The following FAT3 variants were observed in gnomAD, a reference collection of about 807,000 sequenced individuals.
FAT3 encodes FAT atypical cadherin 3.
Under a neutral mutation model 310.2 loss-of-function variants are expected in FAT3, and 95 were observed. That is an observed-to-expected ratio of 0.31 (90% CI 0.26 to 0.36). The LOEUF is 0.36. FAT3 is among the 10% of genes least tolerant of loss of function. FAT3 has a pLI of 1.00. For missense variants in FAT3, 5,408 were observed against 5,715.6 expected, an observed-to-expected ratio of 0.95 and a Z score of 1.74; for synonymous variants, 2,314 against 2,192.9, an observed-to-expected ratio of 1.06 and a Z score of -1.54.
rs1239516535 is a variant in FAT3 at position 92,831,835 on chromosome 11, A to C, written c.9695A>C (p.Asn3232Thr). The change falls in exon 14 of 28, where the codon AAC (asparagine) becomes ACC (threonine). Residue 3232 changes from asparagine (N) to threonine (T), a missense_variant. By Grantham distance (65) the Asn-to-Thr change is moderately conservative (BLOSUM62 0). This residue lies in a region of FAT3 where 4,588 missense variants were observed against 4,809.8 expected (regional missense o/e 0.95). Coordinates refer to ENST00000525166, the MANE Select transcript of FAT3 (RefSeq NM_001367949.2). ...ATCACCGTTCTGGACATTAATGACA[A>C]CCCCCCTGTGTTTGAGAGGAGGGAC... ...VTITVLDIND[N>T]PPVFERRDYL... is the part of the protein sequence containing the mutation. 5 of 1,613,012 alleles carry C rather than the reference A, an allele frequency of 3.1e-6. No homozygotes were observed. Among genetic ancestry groups the C allele is most frequent in the Non-Finnish European group, 3.4e-6 (4 of 1,179,684 alleles).
At chr11:92,467,668 T>C (rs1951801339) in intron 2 of FAT3, among the ~76,000 whole-genome samples, 1 of 152,196 alleles carries the variant, frequency 6.6e-6, no homozygotes, top group South Asian at 2.1e-4. Context: ...CTGTGCCACC[T>C]GCTCTGTATA....
chr11:92,307,330 G>C (rs192155727), intron 1 of FAT3, among the ~76,000 whole-genome samples: 11 of 152,210 alleles, frequency 7.2e-5, no homozygotes, highest in Admixed American at 7.2e-4. Context: ...TATTTCAAAA[G>C]TTTTCCTTTG....
At chr11:92,646,463 T>C (rs997855087) in intron 3 of FAT3, among the ~76,000 whole-genome samples, 4 of 152,242 alleles carry the variant, frequency 2.6e-5, no homozygotes, top group Non-Finnish European at 5.9e-5. Context: ...AATGGGAGGA[T>C]AATTAGACTC....
intron 3 of FAT3, among the ~76,000 whole-genome samples, chr11:92,623,912 C>T (rs538180388): frequency 3.3e-5 from 5 of 152,046 alleles, no homozygotes; most frequent in Middle Eastern, 3.4e-3. Flanking sequence ...CACTGCACTC[C>T]AACCTGGATG....
At chr11:92,729,685 A>C (rs1435716166) in intron 4 of FAT3, among the ~76,000 whole-genome samples, 3 of 151,906 alleles carry the variant, frequency 2.0e-5, no homozygotes, top group African/African-American at 7.3e-5. Flanking sequence ...TCGGCCTCCC[A>C]AAGTGCTGGG....
At chr11:92,667,889 C>T (rs1446604846) in intron 3 of FAT3, among the ~76,000 whole-genome samples, 3 of 152,154 alleles carry the variant, frequency 2.0e-5, no homozygotes, top group Non-Finnish European at 2.9e-5. Context: ...AAAAGTGGAT[C>T]ATGTGCATCT....
chr11:92,430,464 T>C (rs1950740270), intron 2 of FAT3, among the ~76,000 whole-genome samples: 1 of 152,134 alleles, frequency 6.6e-6, no homozygotes, highest in African/African-American at 2.4e-5. Context: ...CTTATCTTCA[T>C]GGATTTGTCT....
intron 22 of FAT3, among the ~76,000 whole-genome samples, chr11:92,874,502 G>T (rs1949478372): frequency 1.3e-5 from 2 of 152,150 alleles, no homozygotes; most frequent in African/African-American, 4.8e-5. Context: ...AGAAAGATTT[G>T]AGAATCAGAA....
intron 1 of FAT3, among the ~76,000 whole-genome samples, chr11:92,306,206 C>T (rs1470099475): frequency 1.3e-5 from 2 of 151,654 alleles, no homozygotes; most frequent in African/African-American, 4.8e-5. Context: ...ATAGATTTCC[C>T]TTTGCTGGTA....
At chr11:92,680,963 A>T (rs182202485) in intron 3 of FAT3, among the ~76,000 whole-genome samples, 4 of 152,360 alleles carry the variant, frequency 2.6e-5, no homozygotes, top group Non-Finnish European at 4.4e-5. Context: ...GGTACTAAAA[A>T]CATTCAATAT....
At chr11:92,846,771 T>G (rs1948693786) in intron 19 of FAT3, among the ~76,000 whole-genome samples, 1 of 152,186 alleles carries the variant, frequency 6.6e-6, no homozygotes, top group Non-Finnish European at 1.5e-5. Flanking sequence ...GAGGAGGCCT[T>G]CTGGGTTTGA....
At chr11:92,813,726 T>G (rs1947744769) in intron 13 of FAT3, among the ~76,000 whole-genome samples, 1 of 152,240 alleles carries the variant, frequency 6.6e-6, no homozygotes, top group African/African-American at 2.4e-5. Flanking sequence ...CTCTTAAGAT[T>G]CATCCAAGTT....
Position 92,866,919 on chromosome 11 carries a change from A to G in FAT3, c.11837A>G (p.Tyr3946Cys), listed in dbSNP as rs1949262200. Residue 3946 changes from tyrosine (Y) to cysteine (C), a missense_variant, in exon 22 of 28, where the codon TAC becomes TGC. By Grantham distance (194) the Tyr-to-Cys change is radical (BLOSUM62 -2). Coordinates refer to ENST00000525166, the MANE Select transcript of FAT3 (RefSeq NM_001367949.2). ...SYVERRRAPL[Y>C]FQTLSTESSI... ...GTGGAGCGGCGCCGGGCGCCCCTCTACTTCCAGACGCTGAGCACTGAGAGT... is the reference window on the plus strand; with the variant it reads ...GTGGAGCGGCGCCGGGCGCCCCTCTGCTTCCAGACGCTGAGCACTGAGAGT... 6.2e-7 allele frequency: 1 copy of G among 1,613,908 alleles called. No individual in the cohort carries two copies. Among genetic ancestry groups the G allele is most frequent in the South Asian group, 1.1e-5 (1 of 91,068 alleles).
chr11:92,705,850 T>C (rs1944321180), intron 4 of FAT3, among the ~76,000 whole-genome samples: 3 of 19,414 alleles, frequency 1.5e-4, no homozygotes, highest in Non-Finnish European at 3.2e-4. Flanking sequence ...GGTGTGATGG[T>C]GGTAGTGATG....
At chr11:92,295,590 C>G (rs966881034) in intron 1 of FAT3, among the ~76,000 whole-genome samples, 9 of 152,206 alleles carry the variant, frequency 5.9e-5, no homozygotes, top group Admixed American at 3.3e-4. Context: ...ACATTTTAGT[C>G]TTCTAGAAAT....
At chr11:92,309,231 C>A (rs1947224484) in intron 1 of FAT3, among the ~76,000 whole-genome samples, 1 of 148,448 alleles carries the variant, frequency 6.7e-6, no homozygotes, top group Admixed American at 6.9e-5. Context: ...GCTTGGCGGT[C>A]CTGTCCTCAT....
chr11:92,237,877 T>C (rs907273952), intron 1 of FAT3, among the ~76,000 whole-genome samples: 4 of 152,146 alleles, frequency 2.6e-5, no homozygotes, highest in African/African-American at 9.7e-5. Context: ...CTGAATAAGA[T>C]GTAGGAAATG....
Position 92,817,091 on chromosome 11 carries a change from C to T in FAT3, c.9481+7015C>T, listed in dbSNP as rs535542256. Among the ~76,000 whole-genome samples the T allele has an allele frequency of 5.9e-5, 9 of 152,248 alleles. No individual in the cohort carries two copies. In the East Asian group the frequency reaches 1.7e-3, roughly 29 times the overall value. On this transcript the variant is annotated intron_variant, in intron 13 of 27. Coordinates refer to ENST00000525166, the MANE Select transcript of FAT3 (RefSeq NM_001367949.2). ...GATGCTAAGGAAACCCACTGAGAGGCACACACATGCCCTCGGATGTCTCTA... is the reference window on the plus strand; with the variant it reads ...GATGCTAAGGAAACCCACTGAGAGGTACACACATGCCCTCGGATGTCTCTA...
intron 3 of FAT3, among the ~76,000 whole-genome samples, chr11:92,682,082 T>C (rs531818175): frequency 2.0e-4 from 30 of 152,320 alleles, no homozygotes; most frequent in African/African-American, 7.2e-4. Flanking sequence ...AGAATAAGGA[T>C]TCTGGAGTCA....
Sources: gnomAD v4.1 joint callset for allele counts (sites outside exome capture counted in the v4.1 genomes callset) on GRCh38, gnomAD v4.1.1 for gene constraint, gnomAD v4.1.1 regional missense constraint, MANE v1.5 for transcripts, NCBI Gene and HGNC (gene_info 2026-07-23, HGNC 2026-07-21) for gene names.